The following TTC33 variants were observed in gnomAD, a reference collection of about 807,000 sequenced individuals.
The protein encoded by TTC33 is tetratricopeptide repeat domain 33.
TTC33 carries 24 observed loss-of-function variants against 29.4 expected under a neutral mutation model. That is an observed-to-expected ratio of 0.82 (90% CI 0.59 to 1.15). The LOEUF (loss-of-function observed/expected upper bound fraction) is 1.15. Among genes scored for constraint, TTC33 ranks in the 50% most tolerant of loss-of-function variants. The pLI is 0.00. For synonymous variants in TTC33, 107 were observed against 100.3 expected (o/e 1.07, Z -0.40); for missense variants, 286 against 310.4 (o/e 0.92, Z 0.59).
At chr5:40,751,944 G>A (rs1440884893) in intron 1 of TTC33, among the ~76,000 whole-genome samples, 10 of 140,024 alleles carry the variant, frequency 7.1e-5, no homozygotes, top group African/African-American at 2.7e-4. Context: ...GCAACAGAGT[G>A]AAACTCCGTC....
At chr5:40,723,143 C>G (rs1324278794) in intron 4 of TTC33, among the ~76,000 whole-genome samples, 1 of 152,046 alleles carries the variant, frequency 6.6e-6, no homozygotes, top group South Asian at 2.1e-4. Context: ...CCCCCAACCC[C>G]GTGCTCTCTG....
At position 40,716,218 on chromosome 5, in the gene TTC33, G is replaced by T. The variant is rs1246311028; in HGVS notation, c.716C>A (p.Ala239Asp). 6.2e-7 allele frequency: 1 copy of T among 1,614,138 alleles called. No homozygotes were observed. Among genetic ancestry groups the T allele is most frequent in the South Asian group, 1.1e-5 (1 of 91,084 alleles). Residue 239 changes from alanine (A) to aspartate (D), a missense_variant, in exon 5 of 5, where the codon GCC becomes GAC. Coordinates refer to ENST00000337702, the MANE Select transcript of TTC33 (RefSeq NM_012382.3). ...CTCCTTTTCAGTTACAGTCTCTATG[G>T]CCCCAGAAGCAGACACAATAACCAT... ...KTMVIVSASG[A>D]IETVTEKEDG...
chr5:40,738,519 A>AAATAC (rs1451226018), intron 2 of TTC33, among the ~76,000 whole-genome samples: 5,339 of 67,926 alleles, frequency 0.079, 301 homozygotes, highest in East Asian at 0.18. Context: ...AAATACAATA[A>AAATAC]AATAAAATAC....
At chr5:40,739,722 A>G (rs1047443439) in intron 2 of TTC33, among the ~76,000 whole-genome samples, 3 of 152,206 alleles carry the variant, frequency 2.0e-5, no homozygotes, top group Non-Finnish European at 4.4e-5. Flanking sequence ...CCGTGAGCCA[A>G]TTAAACCTGT....
rs1741988901 is a variant in TTC33 at position 40,716,050 on chromosome 5, G to C, written c.*95C>G. The C allele has an allele frequency of 9.9e-7, 1 of 1,012,746 alleles. No homozygotes were observed. The highest frequency in any genetic ancestry group is 1.4e-6 in the Non-Finnish European group (1 of 707,562). 62.7% of individuals were successfully genotyped at this position (1,012,746 alleles called of 1,614,324 possible). A position where few individuals can be genotyped will look rare whatever the true frequency, so the allele number is the denominator to read the frequency against. Reference sequence around the variant, plus strand: ...TCTGAAAAACATATTTTACAACCAGGCGTTCTCCTATCTATCTCCAGAGTA... The same window carrying C: ...TCTGAAAAACATATTTTACAACCAGCCGTTCTCCTATCTATCTCCAGAGTA... On this transcript the variant is annotated 3_prime_UTR_variant, in exon 5 of 5. Coordinates refer to ENST00000337702, the MANE Select transcript of TTC33 (RefSeq NM_012382.3).
chr5:40,716,923 G>C (rs1243008485), intron 4 of TTC33, among the ~76,000 whole-genome samples: 1 of 152,102 alleles, frequency 6.6e-6, no homozygotes, highest in Non-Finnish European at 1.5e-5. Context: ...CTACATTCTA[G>C]GCACTAAAGA....
chr5:40,722,599 C>T (rs1010593893), intron 4 of TTC33, among the ~76,000 whole-genome samples: 1 of 151,466 alleles, frequency 6.6e-6, no homozygotes, highest in African/African-American at 2.4e-5. Context: ...CCGGCCGCCC[C>T]GTCTGAGAAG....
intron 2 of TTC33, among the ~76,000 whole-genome samples, chr5:40,746,311 C>T (rs1464113293): frequency 6.6e-6 from 1 of 152,142 alleles, no homozygotes; most frequent in Admixed American, 6.6e-5. Context: ...AAGCTATTAT[C>T]AACTTCCTGT....
intron 3 of TTC33, among the ~76,000 whole-genome samples, chr5:40,729,455 C>G (rs961826589): frequency 5.3e-5 from 8 of 152,124 alleles, no homozygotes; most frequent in African/African-American, 1.9e-4. Flanking sequence ...ACAGACTTTC[C>G]TACAAAATAT....
intron 2 of TTC33, among the ~76,000 whole-genome samples, chr5:40,732,119 C>T (rs1561148626): frequency 6.6e-6 from 1 of 152,138 alleles, no homozygotes; most frequent in African/African-American, 2.4e-5. Context: ...TCAAGGGCCT[C>T]CCACCTCAGC....
intron 1 of TTC33, among the ~76,000 whole-genome samples, chr5:40,751,357 A>G (rs1402927167): frequency 1.3e-5 from 2 of 152,226 alleles, no homozygotes; most frequent in Admixed American, 1.3e-4. Context: ...TCTTTTCTTC[A>G]TGAGCAGGTC....
In TTC33 at chr5:40,746,858, C is replaced by A. The variant is rs752049552; in HGVS notation, c.161G>T (p.Gly54Val). 6.2e-7 allele frequency: 1 copy of A among 1,614,120 alleles called. No homozygotes were observed. Among genetic ancestry groups the A allele is most frequent in the Non-Finnish European group, 8.5e-7 (1 of 1,180,010 alleles). Residue 54 changes from glycine to valine, a missense_variant, in exon 2 of 5, where the codon GGC (glycine) becomes GTC (valine). Transcript: ENST00000337702. ...IKRRKEILLE[G>V]CAEKSKQLKD... ...CAGCTGTTTACTTTTCTCAGCACAG[C>A]CTTCAAGAAGAATTTCTTTCCTACG...
chr5:40,737,747 C>T (rs1348412836), intron 2 of TTC33, among the ~76,000 whole-genome samples: 1 of 152,122 alleles, frequency 6.6e-6, no homozygotes, highest in East Asian at 1.9e-4. Flanking sequence ...GGGAAATCTA[C>T]CCCAACTGCT....
Position 40,730,331 on chromosome 5 carries a change from T to G in TTC33, c.234A>C (p.Ala78=). Residue 78 remains alanine, a synonymous_variant, in exon 3 of 5, where the codon GCA becomes GCC. Coordinates refer to ENST00000337702, the MANE Select transcript of TTC33 (RefSeq NM_012382.3). ...SLAENKRYRE[A]IQKWDEALQL... is the part of the protein sequence containing the mutation. ...GTAGTGCTTCATCCCACTTCTGAAT[T>G]GCCTCCCGATATCTGTGGTTGTTAA... 1 of 1,613,176 alleles carries G rather than the reference T, an allele frequency of 6.2e-7. No individual in the cohort carries two copies. Among genetic ancestry groups the G allele is most frequent in the Non-Finnish European group, 8.5e-7 (1 of 1,179,404 alleles).
At chr5:40,725,405 T>A (rs777864185) in intron 4 of TTC33, among the ~76,000 whole-genome samples, 2 of 152,182 alleles carry the variant, frequency 1.3e-5, no homozygotes, top group Non-Finnish European at 2.9e-5. Flanking sequence ...ATGATGCAAC[T>A]GAAATTTCTA....
At chr5:40,730,153 A>G in intron 3 of TTC33, 109 bp downstream of exon 3, 1 of 810,044 alleles carries the variant, frequency 1.2e-6, no homozygotes, top group Non-Finnish European at 1.9e-6. Context: ...AAGAAACCGT[A>G]TTTGTAAAAG....
chr5:40,722,034 T>A (rs1042200358), intron 4 of TTC33, among the ~76,000 whole-genome samples: 1 of 152,174 alleles, frequency 6.6e-6, no homozygotes, highest in Non-Finnish European at 1.5e-5. Context: ...ATGCTCAATA[T>A]CACTAATCAG....
intron 3 of TTC33, among the ~76,000 whole-genome samples, chr5:40,729,803 G>A (rs1742381100): frequency 6.6e-6 from 1 of 152,024 alleles, no homozygotes. Flanking sequence ...CGTTCAAGTG[G>A]TCCTCCTGCC....
At chr5:40,728,297 T>TAAAAAAAAAAAAAAAAAA (rs776499290) in intron 4 of TTC33, 48 bp downstream of exon 4, 3 of 401,712 alleles carry the variant, frequency 7.5e-6, no homozygotes, top group Non-Finnish European at 9.9e-6. Context: ...AAAAAAAAAG[T>TAAAAAAAAAAAAAAAAAA]CAAAATATAC....
Sources: allele counts gnomAD v4.1 joint callset (sites outside exome capture counted in the v4.1 genomes callset), GRCh38; gene constraint gnomAD v4.1.1; transcripts MANE v1.5; gene names NCBI Gene and HGNC (gene_info 2026-07-23, HGNC 2026-07-21).